PALLD: variants seen among roughly 807,000 people sequenced by gnomAD.
PALLD encodes palladin.
Under a neutral mutation model 123.5 loss-of-function variants are expected in PALLD, and 61 were observed. That is an observed-to-expected ratio of 0.49 (90% CI 0.40 to 0.61). The LOEUF (loss-of-function observed/expected upper bound fraction) is 0.61, where lower values mean the gene tolerates loss of function less well. Ranked by LOEUF, PALLD falls within the 20% of genes least tolerant of loss-of-function variation. The pLI is 0.00. For synonymous variants in PALLD, 465 were observed against 496.4 expected, an observed-to-expected ratio of 0.94 and a Z score of 0.84; for missense variants, 1,273 against 1,377.0, an observed-to-expected ratio of 0.92 and a Z score of 1.20.
At chr4:168,671,134 T>C (rs1419548271) in intron 3 of PALLD, among the ~76,000 whole-genome samples, 1 of 152,004 alleles carries the variant, frequency 6.6e-6, no homozygotes, top group Non-Finnish European at 1.5e-5. Flanking sequence ...ATAAGATATA[T>C]ATAAAATCAT....
intron 10 of PALLD, among the ~76,000 whole-genome samples, chr4:168,719,097 G>A (rs1366518428): frequency 1.3e-5 from 2 of 151,138 alleles, no homozygotes; most frequent in Admixed American, 6.6e-5. Flanking sequence ...TAGTAGAGAC[G>A]GGGTTTCACC....
At chr4:168,557,021 A>T (rs919620467) in intron 2 of PALLD, among the ~76,000 whole-genome samples, 1 of 109,922 alleles carries the variant, frequency 9.1e-6, no homozygotes, top group African/African-American at 3.0e-5. Context: ...CTCAACTCAC[A>T]TTTCCACTTG....
intron 9 of PALLD, 90 bp from the exon 10 acceptor site, chr4:168,711,491 C>T: frequency 4.3e-6 from 4 of 940,066 alleles, no homozygotes; most frequent in Non-Finnish European, 5.3e-6. Context: ...TCACACAACA[C>T]AGGGATTCTC....
intron 2 of PALLD, among the ~76,000 whole-genome samples, chr4:168,589,431 A>AT (rs1439408135): frequency 1.3e-5 from 2 of 151,936 alleles, no homozygotes; most frequent in African/African-American, 4.8e-5. Flanking sequence ...TTTTAAGGCC[A>AT]TTTTTTGTCC....
intron 2 of PALLD, among the ~76,000 whole-genome samples, chr4:168,655,187 G>C (rs1561354833): frequency 6.6e-6 from 1 of 152,072 alleles, no homozygotes; most frequent in Admixed American, 6.5e-5. Flanking sequence ...GCTCTCCTTG[G>C]AAAGCTGACC....
chr4:168,663,384 G>T (rs1465615674), intron 2 of PALLD, among the ~76,000 whole-genome samples: 1 of 152,186 alleles, frequency 6.6e-6, no homozygotes, highest in Admixed American at 6.5e-5. Context: ...GGCAAGGTAC[G>T]CAGGGTTAGA....
intron 10 of PALLD, among the ~76,000 whole-genome samples, chr4:168,736,100 A>G (rs760565763): frequency 8.5e-5 from 13 of 152,268 alleles, no homozygotes; most frequent in Non-Finnish European, 4.4e-5. Context: ...GCAGCAATGC[A>G]AAGTCTTCCT....
intron 10 of PALLD, among the ~76,000 whole-genome samples, chr4:168,887,172 A>G (rs1350117449): frequency 1.3e-5 from 2 of 151,854 alleles, no homozygotes; most frequent in African/African-American, 4.8e-5. Flanking sequence ...TACTTGAGCC[A>G]AAGACTAATT....
chr4:168,533,898 C>A (rs990926276), intron 2 of PALLD, among the ~76,000 whole-genome samples: 1 of 152,088 alleles, frequency 6.6e-6, no homozygotes, highest in African/African-American at 2.4e-5. Flanking sequence ...GCCACATTGA[C>A]GAAGACAAGA....
At chr4:168,830,370 A>AG (rs1382542471) in intron 10 of PALLD, among the ~76,000 whole-genome samples, 1 of 151,530 alleles carries the variant, frequency 6.6e-6, no homozygotes, top group East Asian at 1.9e-4. Flanking sequence ...AACAAAAAAA[A>AG]ATGTTTTAAA....
intron 2 of PALLD, among the ~76,000 whole-genome samples, chr4:168,554,077 A>T (rs535419011): frequency 6.6e-6 from 1 of 152,270 alleles, no homozygotes; most frequent in South Asian, 2.1e-4. Flanking sequence ...GCACACAGGG[A>T]ACTATCACTA....
chr4:168,716,285 C>T (rs1245270429), intron 10 of PALLD, among the ~76,000 whole-genome samples: 6 of 152,128 alleles, frequency 3.9e-5, no homozygotes, highest in Non-Finnish European at 1.5e-5. Flanking sequence ...TACCCTGGGA[C>T]AGATCAGCAG....
chr4:168,750,863 T>C (rs1434869432), intron 10 of PALLD, among the ~76,000 whole-genome samples: 1 of 152,190 alleles, frequency 6.6e-6, no homozygotes, highest in African/African-American at 2.4e-5. Context: ...TTTATTATTG[T>C]ACTTCCGGTT....
At chr4:168,714,958 G>C (rs546513858) in intron 10 of PALLD, among the ~76,000 whole-genome samples, 117 of 152,136 alleles carry the variant, frequency 7.7e-4, no homozygotes, top group African/African-American at 2.4e-3. Flanking sequence ...AACCTGGAAG[G>C]GCCATGAGCT....
chr4:168,679,350 G>A (rs1206026631), intron 3 of PALLD, among the ~76,000 whole-genome samples: 16 of 122,780 alleles, frequency 1.3e-4, no homozygotes, highest in Admixed American at 1.0e-3. Context: ...GTGGGTGTGT[G>A]GTGGGGTGAG....
chr4:168,811,757 T>C (rs371658570), intron 10 of PALLD, among the ~76,000 whole-genome samples: 540 of 129,974 alleles, frequency 4.2e-3, no homozygotes, highest in Non-Finnish European at 6.7e-3. Context: ...CTCTCTCTCT[T>C]TCTCTCTCTC....
At chr4:168,603,482 T>C (rs182536530) in intron 2 of PALLD, among the ~76,000 whole-genome samples, 6 of 152,316 alleles carry the variant, frequency 3.9e-5, no homozygotes, top group Admixed American at 6.5e-5. Context: ...ATCAATGACA[T>C]TTTATTACCA....
intron 10 of PALLD, among the ~76,000 whole-genome samples, chr4:168,738,883 A>G (rs1401626454): frequency 6.6e-6 from 1 of 152,124 alleles, no homozygotes; most frequent in African/African-American, 2.4e-5. Flanking sequence ...TTTCTTGAAA[A>G]AAATAGTTAA....
intron 4 of PALLD, among the ~76,000 whole-genome samples, chr4:168,682,122 C>T (rs1781608447): frequency 6.6e-6 from 1 of 151,866 alleles, no homozygotes; most frequent in South Asian, 2.1e-4. Flanking sequence ...ATCTTGTACC[C>T]GAAATTCACA....
Sources: gnomAD v4.1 joint callset for allele counts (sites outside exome capture counted in the v4.1 genomes callset) on GRCh38, gnomAD v4.1.1 for gene constraint, MANE v1.5 for transcripts, NCBI Gene and HGNC (gene_info 2026-07-23, HGNC 2026-07-21) for gene names.